ATP2C1: variants seen among roughly 807,000 people sequenced by gnomAD.
ATP2C1 encodes the protein ATPase secretory pathway Ca2+ transporting 1.
A neutral mutation model predicts 120.5 loss-of-function variants in ATP2C1; 31 were observed. The observed-to-expected ratio is 0.26, with a 90% CI of 0.19 to 0.35. The LOEUF is 0.35. ATP2C1 is among the 10% of genes least tolerant of loss of function. ATP2C1 has a pLI of 1.00. For synonymous variants in ATP2C1, 351 were observed against 358.7 expected (o/e 0.98, Z 0.24); for missense variants, 731 against 1,107.5 (o/e 0.66, Z 4.83).
At chr3:130,870,150 TA>T (rs1179655168) in intron 1 of ATP2C1, among the ~76,000 whole-genome samples, 1 of 152,188 alleles carries the variant, frequency 6.6e-6, no homozygotes, top group Non-Finnish European at 1.5e-5. Context: ...CTGAATATTT[TA>T]AGCCCACTGT....
At chr3:130,999,933 GTTTAT>G in intron 27 of ATP2C1, among the ~76,000 whole-genome samples, 1 of 152,200 alleles carries the variant, frequency 6.6e-6, no homozygotes, top group East Asian at 1.9e-4. Context: ...CTAGAGTATA[GTTTAT>G]AACTTTTTAT....
chr3:130,929,390 TGTA>T (rs1439128185), intron 2 of ATP2C1, among the ~76,000 whole-genome samples: 1 of 152,176 alleles, frequency 6.6e-6, no homozygotes, highest in East Asian at 1.9e-4. Context: ...GACACTCTAA[TGTA>T]GTAGAATCTT....
intron 16 of ATP2C1, among the ~76,000 whole-genome samples, chr3:130,968,017 A>C (rs1266089323): frequency 6.6e-6 from 1 of 152,204 alleles, no homozygotes; most frequent in Non-Finnish European, 1.5e-5. Context: ...AAAAATAACT[A>C]TTCCTACCTT....
At chr3:130,888,688 G>A (rs894740999) in intron 1 of ATP2C1, among the ~76,000 whole-genome samples, 1 of 152,200 alleles carries the variant, frequency 6.6e-6, no homozygotes, top group Non-Finnish European at 1.5e-5. Context: ...CTGTGTAGCA[G>A]GGCTGCTGCT....
At chr3:130,892,641 A>C (rs997619693), upstream of ATP2C1, among the ~76,000 whole-genome samples, 1 of 146,982 alleles carries the variant, frequency 6.8e-6, no homozygotes, top group Non-Finnish European at 1.5e-5. Context: ...CCGTCCGTTA[A>C]TTTGGCTCCG....
Position 130,964,927 on chromosome 3 carries a change from T to G in ATP2C1, c.1025-21T>G, listed in dbSNP as rs375689326. ...TTTCTCCTTGATTCTTTTGGTGACT[T>G]GTAATGATTTAATTCTTTAGGCTGC... On this transcript the variant is annotated intron_variant, in intron 13 of 27. Coordinates refer to ENST00000510168, the MANE Select transcript of ATP2C1 (RefSeq NM_001378687.1). 4.5e-6 allele frequency: 7 copies of G among 1,570,074 alleles called. No individual in the cohort carries two copies. The African/African-American group carries it at 8.1e-5, about 18-fold the overall frequency.
Position 130,913,483 on chromosome 3 carries a change from T to C in ATP2C1, c.7-16933T>C, listed in dbSNP as rs193225228. 2.0e-5 allele frequency among the ~76,000 whole-genome samples: 3 copies of C among 152,316 alleles called. No homozygotes were observed. The East Asian group carries it at 5.8e-4, about 29-fold the overall frequency. ...TATGCAGTTTAGCTGTGTATTTTCATGTGACAGTGTTTATAAAATGTCTTG... is the reference window on the plus strand; with the variant it reads ...TATGCAGTTTAGCTGTGTATTTTCACGTGACAGTGTTTATAAAATGTCTTG... On this transcript the variant is annotated intron_variant, in intron 2 of 27. Coordinates refer to ENST00000510168, the MANE Select transcript of ATP2C1 (RefSeq NM_001378687.1).
intron 20 of ATP2C1, among the ~76,000 whole-genome samples, chr3:130,981,358 G>T (rs1042095417): frequency 6.6e-6 from 1 of 152,110 alleles, no homozygotes; most frequent in Non-Finnish European, 1.5e-5. Flanking sequence ...ATTTATCTAT[G>T]TTGGTTGTGT....
chr3:130,850,962 C>G lies in ATP2C1; in HGVS notation c.108+34C>G, dbSNP rs537077252. The G allele has an allele frequency of 6.9e-6, 8 of 1,156,056 alleles. No individual in the cohort carries two copies. The African/African-American group carries it at 1.1e-4, about 16-fold the overall frequency. The allele number at this position is 1,156,056 out of a possible 1,614,324, so 71.6% of individuals were successfully genotyped here. ...TTGTTTATATTATCTTTAAAATGAA[C>G]GGGTGCTTGTTCCTTGTTGCTTTTA... On this transcript the variant is annotated intron_variant, in intron 1 of 26. Transcript: ENST00000504381.
chr3:130,960,685 C>T (rs1249318123), intron 12 of ATP2C1, among the ~76,000 whole-genome samples: 1 of 152,120 alleles, frequency 6.6e-6, no homozygotes, highest in Non-Finnish European at 1.5e-5. Context: ...ACAGCAACAT[C>T]AGATTGCATT....
intron 18 of ATP2C1, 76 bp from the exon 19 acceptor site, chr3:130,979,173 A>G (rs1024768686): frequency 2.9e-5 from 42 of 1,445,482 alleles, no homozygotes; most frequent in Middle Eastern, 1.8e-4. Flanking sequence ...ACTGTCTCCA[A>G]TTTCTATCAA....
intron 1 of ATP2C1, among the ~76,000 whole-genome samples, chr3:130,880,763 G>A (rs1468515156): frequency 3.3e-5 from 5 of 152,204 alleles, no homozygotes; most frequent in Admixed American, 1.3e-4. Context: ...AGTGGGACTA[G>A]TGGTCTGTTT....
chr3:130,878,420 A>T (rs889672480), intron 1 of ATP2C1, among the ~76,000 whole-genome samples: 1 of 151,636 alleles, frequency 6.6e-6, no homozygotes, highest in East Asian at 1.9e-4. Flanking sequence ...CAGTTTAATG[A>T]TTTTCTGTAG....
intron 24 of ATP2C1, 93 bp from the exon 25 acceptor site, chr3:130,997,513 G>C: frequency 1.7e-6 from 2 of 1,202,834 alleles, no homozygotes; most frequent in Non-Finnish European, 2.4e-6. Flanking sequence ...AAAGCATTTA[G>C]TTTGCCGAAT....
At chr3:131,016,238 CTG>C in exon 27 of ATP2C1, 1 of 1,614,132 alleles carries the variant, frequency 6.2e-7, no homozygotes, top group Non-Finnish European at 8.5e-7. Flanking sequence ...AAGATGTGAG[CTG>C]TGTCTAAGTC....
In ATP2C1 at chr3:130,955,734, A is replaced by T. The variant is rs992878173; in HGVS notation, c.757-370A>T. ...GGATTAAAAGACCTGGGTTACTAGC[A>T]TGTTTGTGGATACCAAAAGGGAAAA... On this transcript the variant is annotated intron_variant, in intron 10 of 27. Transcript: ENST00000510168. 1.7e-5 allele frequency: 4 copies of T among 229,688 alleles called. No homozygotes were observed. In the East Asian group the frequency reaches 4.6e-4, roughly 27 times the overall value. 14.2% of individuals were successfully genotyped at this position (229,688 alleles called of 1,614,324 possible). A position where few individuals can be genotyped will look rare whatever the true frequency, so the allele number is the denominator to read the frequency against.
chr3:130,885,123 G>A (rs542532862), intron 1 of ATP2C1, among the ~76,000 whole-genome samples: 2 of 151,828 alleles, frequency 1.3e-5, no homozygotes, highest in East Asian at 3.9e-4. Context: ...TAGTAGAGAC[G>A]GGGTTTCACC....
intron 25 of ATP2C1, 34 bp from the exon 26 acceptor site, chr3:130,998,260 A>G (rs761965948): frequency 7.2e-7 from 1 of 1,381,304 alleles, no homozygotes; most frequent in South Asian, 1.2e-5. Flanking sequence ...AAATTCAGCC[A>G]CTGAAAAGTA....
chr3:130,865,187 C>G (rs2068130467), intron 1 of ATP2C1, among the ~76,000 whole-genome samples: 1 of 152,174 alleles, frequency 6.6e-6, no homozygotes. Flanking sequence ...CATTCTGGAG[C>G]TTTAAAAATT....
Sources: allele counts gnomAD v4.1 joint callset (sites outside exome capture counted in the v4.1 genomes callset), GRCh38; gene constraint gnomAD v4.1.1; transcripts MANE v1.5; gene names NCBI Gene and HGNC (gene_info 2026-07-23, HGNC 2026-07-21).